Variants in STUM observed in about 807,000 individuals in gnomAD.
STUM encodes stum, mechanosensory transduction mediator homolog.
A neutral mutation model predicts 15.3 loss-of-function variants in STUM; 8 were observed. The ratio of observed to expected loss-of-function variants is 0.52; its 90% CI spans 0.31 to 0.94. The LOEUF (loss-of-function observed/expected upper bound fraction) is 0.94, where lower values mean the gene tolerates loss of function less well. Among genes scored for constraint, STUM ranks in the 40% least tolerant of loss-of-function variants. The pLI is 0.05. For synonymous variants in STUM, 78 were observed against 88.7 expected, an observed-to-expected ratio of 0.88 and a Z score of 0.68; for missense variants, 142 against 204.9, an observed-to-expected ratio of 0.69 and a Z score of 1.87.
At chr1:226,595,497 T>C (rs1242461845) in intron 1 of STUM, among the ~76,000 whole-genome samples, 1 of 152,182 alleles carries the variant, frequency 6.6e-6, no homozygotes, top group Non-Finnish European at 1.5e-5. Flanking sequence ...TGAATCTCTC[T>C]CTGTGTGTGT....
intron 1 of STUM, among the ~76,000 whole-genome samples, chr1:226,566,123 G>A (rs1369851134): frequency 3.9e-5 from 6 of 152,110 alleles, no homozygotes; most frequent in Non-Finnish European, 7.3e-5. Flanking sequence ...CCTCAGTTGC[G>A]TGGTTTGATT....
rs764114851 is a variant in STUM, at chr1:226,549,123, G to C, written c.202+17G>C. The C allele has an allele frequency of 6.4e-7, 1 of 1,560,254 alleles. No homozygotes were observed. Among genetic ancestry groups the C allele is most frequent in the South Asian group, 1.2e-5 (1 of 86,054 alleles). ...CGGGACTGGGTAAGACACGGCTGCC[G>C]CGACCCTTGCGACCCCCACCCCGCC... On this transcript the variant is annotated intron_variant, in intron 1 of 3. Transcript: ENST00000366788. This position sits in a 1 kb window ranked among gnomAD's most constrained non-coding sequence, Gnocchi z 6.8.
chr1:226,601,963 T>G, intron 3 of STUM, 43 bp from the exon 4 acceptor site: 2 of 1,588,640 alleles, frequency 1.3e-6, no homozygotes, highest in South Asian at 1.1e-5. Context: ...AATCCTGAAG[T>G]AAGCAGGTGT....
chr1:226,550,583 A>G (rs1418613369), intron 1 of STUM, among the ~76,000 whole-genome samples: 3 of 149,050 alleles, frequency 2.0e-5, no homozygotes, highest in Admixed American at 6.7e-5. Flanking sequence ...GCCAGCATGC[A>G]TCTTGATCCA....
Position 226,565,457 on chromosome 1 carries a change from G to A in STUM, c.202+16351G>A, listed in dbSNP as rs1057207369. 4.6e-5 allele frequency among the ~76,000 whole-genome samples: 7 copies of A among 152,232 alleles called. No homozygotes were observed. The highest frequency in any genetic ancestry group is 1.3e-4 in the Admixed American group (2 of 15,294). On this transcript the variant is annotated intron_variant, in intron 1 of 3. Coordinates refer to ENST00000366788, the MANE Select transcript of STUM (RefSeq NM_001003665.4). The surrounding 1 kb of genome is among the most constrained non-coding windows in gnomAD (Gnocchi z 4.4). ...CTTGGCATACTACTGCTCCCCCACC[G>A]TCACTTCTCATCCCACCCACCTCCA...
intron 1 of STUM, among the ~76,000 whole-genome samples, chr1:226,568,803 C>A (rs16846137): frequency 0.014 from 2,092 of 152,372 alleles, 23 homozygotes; most frequent in South Asian, 0.038. Context: ...CTGGAGGACA[C>A]CTCATTGCTC....
intron 1 of STUM, among the ~76,000 whole-genome samples, chr1:226,569,354 A>T (rs1032191712): frequency 6.6e-6 from 1 of 152,184 alleles, no homozygotes; most frequent in Non-Finnish European, 1.5e-5. Context: ...CAGCTGTGAG[A>T]GGCCCAATGC....
chr1:226,563,674 C>T (rs530301823), intron 1 of STUM, among the ~76,000 whole-genome samples: 8 of 152,332 alleles, frequency 5.3e-5, no homozygotes, highest in South Asian at 2.1e-4. Flanking sequence ...TCATTTTCTT[C>T]GTTATTCCTC....
chr1:226,553,664 T>C (rs1199664329), intron 1 of STUM, among the ~76,000 whole-genome samples: 3 of 152,234 alleles, frequency 2.0e-5, no homozygotes, highest in African/African-American at 7.2e-5. Flanking sequence ...TGGCCTGATT[T>C]TGAGCATGTG....
chr1:226,549,034 G>T lies in STUM; in HGVS notation c.130G>T (p.Ala44Ser). ...CCGCGAGAAGAAGGGCCCCCTGCGC[G>T]CCGCCATCCCCTACATGCCCTTCCC... ...QVREKKGPLR[A>S]AIPYMPFPVA... The change falls in exon 1 of 4, where the codon GCC becomes TCC. Residue 44 changes from alanine to serine, a missense_variant. Physicochemically the swap from Ala to Ser is moderately conservative, Grantham distance 99 (BLOSUM62 1). Transcript: ENST00000366788. This position sits in a 1 kb window ranked among gnomAD's most constrained non-coding sequence, Gnocchi z 6.8. 1 of 1,584,374 alleles carries T rather than the reference G, an allele frequency of 6.3e-7. No homozygotes were observed. Among genetic ancestry groups the T allele is most frequent in the Non-Finnish European group, 8.6e-7 (1 of 1,168,168 alleles).
chr1:226,549,824 T>C lies in STUM; in HGVS notation c.202+718T>C, dbSNP rs1667342452. On this transcript the variant is annotated intron_variant, in intron 1 of 3. Transcript: ENST00000366788. This position sits in a 1 kb window ranked among gnomAD's most constrained non-coding sequence, Gnocchi z 6.8. ...GAAGTAGAGAGTGCGCCGATGTAAT[T>C]CTGTGCAGGACTCCGGCAGCCGGCA... Among the ~76,000 whole-genome samples the C allele has an allele frequency of 6.6e-6, 1 of 152,150 alleles. No homozygotes were observed. The highest frequency in any genetic ancestry group is 6.5e-5 in the Admixed American group (1 of 15,280).
rs554945046 is a variant in STUM at position 226,580,053 on chromosome 1, A to T, written c.203-16749A>T. ...CTGTAAGGAGGCGGCAGTCCAGGCA[A>T]GAGTTGATGGGAACTTGAACTAGGA... On this transcript the variant is annotated intron_variant, in intron 1 of 3. Transcript: ENST00000366788. 3.9e-5 allele frequency among the ~76,000 whole-genome samples: 6 copies of T among 152,328 alleles called. No individual in the cohort carries two copies. The East Asian group carries it at 9.6e-4, about 24-fold the overall frequency.
Position 226,604,712 on chromosome 1 carries a change from A to G in STUM, c.*2672A>G, listed in dbSNP as rs959893796. On this transcript the variant is annotated 3_prime_UTR_variant, in exon 4 of 4. Coordinates refer to ENST00000366788, the MANE Select transcript of STUM (RefSeq NM_001003665.4). The surrounding 1 kb of genome is among the most constrained non-coding windows in gnomAD (Gnocchi z 4.7). Reference sequence around the variant, plus strand: ...GTGCAGGCAAGTGCATGGTTGACACACAGCCCTTTGGTGACAAAGCTGGGC... The same window carrying G: ...GTGCAGGCAAGTGCATGGTTGACACGCAGCCCTTTGGTGACAAAGCTGGGC... 1 of 152,284 alleles carries G rather than the reference A, an allele frequency of 6.6e-6. No homozygotes were observed. Among genetic ancestry groups the G allele is most frequent in the Admixed American group, 6.5e-5 (1 of 15,288 alleles). 9.4% of individuals were successfully genotyped at this position (152,284 alleles called of 1,614,324 possible).
At position 226,548,842 on chromosome 1, in the gene STUM, G is replaced by A. The variant is rs1301448576; in HGVS notation, c.-63G>A. On this transcript the variant is annotated 5_prime_UTR_variant, in exon 1 of 4. Transcript: ENST00000366788. ...CGGAGCCCGCAGCCGACAGTCTCCT[G>A]CTCCCGTACGCTGGGCGCCAGCTCC... 2.4e-6 allele frequency: 3 copies of A among 1,248,362 alleles called. No homozygotes were observed. In the African/African-American group the frequency reaches 4.7e-5, roughly 20 times the overall value. The allele number at this position is 1,248,362 out of a possible 1,614,324, so 77.3% of individuals were successfully genotyped here. A position where few individuals can be genotyped will look rare whatever the true frequency, so the allele number is the denominator to read the frequency against.
intron 1 of STUM, among the ~76,000 whole-genome samples, chr1:226,568,487 C>A (rs1667656853): frequency 6.6e-6 from 1 of 152,242 alleles, no homozygotes; most frequent in Non-Finnish European, 1.5e-5. Flanking sequence ...GAATTGGAAC[C>A]AGAACGCTGC....
intron 1 of STUM, among the ~76,000 whole-genome samples, chr1:226,561,256 A>G (rs1667537728): frequency 1.3e-5 from 2 of 152,164 alleles, no homozygotes; most frequent in Admixed American, 1.3e-4. Context: ...CGCAACTAGC[A>G]CCTTTGTAGT....
At chr1:226,596,104 A>C (rs1571813289) in intron 1 of STUM, among the ~76,000 whole-genome samples, 1 of 152,260 alleles carries the variant, frequency 6.6e-6, no homozygotes, top group African/African-American at 2.4e-5. Flanking sequence ...CAAGGTGAAG[A>C]ATGTGACCGC....
chr1:226,566,207 A>G, intron 1 of STUM, among the ~76,000 whole-genome samples: 1 of 152,234 alleles, frequency 6.6e-6, no homozygotes, highest in African/African-American at 2.4e-5. Flanking sequence ...TTGTTATGAG[A>G]AGTCATCAAA....
intron 1 of STUM, among the ~76,000 whole-genome samples, chr1:226,579,707 C>T (rs1667888492): frequency 1.3e-5 from 2 of 150,432 alleles, no homozygotes; most frequent in Admixed American, 6.6e-5. Flanking sequence ...TAGTTCACTG[C>T]AGCCTTGAAC....
Sources: allele counts gnomAD v4.1 joint callset (sites outside exome capture counted in the v4.1 genomes callset), GRCh38; gene constraint gnomAD v4.1.1; non-coding constraint Gnocchi (gnomAD v3.1); transcripts MANE v1.5; gene names NCBI Gene and HGNC (gene_info 2026-07-23, HGNC 2026-07-21).